Variants in DOCK2 observed in about 807,000 individuals in gnomAD.
The protein encoded by DOCK2 is dedicator of cytokinesis 2.
A neutral mutation model predicts 248.9 loss-of-function variants in DOCK2; 87 were observed. That is an observed-to-expected ratio of 0.35 (90% confidence interval 0.29 to 0.42). The LOEUF is 0.42. Among genes scored for constraint, DOCK2 ranks in the 10% least tolerant of loss-of-function variants. The pLI, the probability that DOCK2 is intolerant of heterozygous loss-of-function variation, is 1.00. For synonymous variants in DOCK2, 805 were observed against 821.6 expected, an observed-to-expected ratio of 0.98 and a Z score of 0.35; for missense variants, 1,747 against 2,300.2, an observed-to-expected ratio of 0.76 and a Z score of 4.92.
chr5:169,835,860 C>G (rs1035281010), intron 26 of DOCK2, among the ~76,000 whole-genome samples: 1 of 151,186 alleles, frequency 6.6e-6, no homozygotes, highest in Non-Finnish European at 1.5e-5. Flanking sequence ...TTTCTGGGCT[C>G]AAGCCTGCCT....
chr5:169,833,559 G>A (rs903777010), intron 26 of DOCK2, among the ~76,000 whole-genome samples: 1 of 152,194 alleles, frequency 6.6e-6, no homozygotes, highest in African/African-American at 2.4e-5. Flanking sequence ...GCTCAAATAA[G>A]GAGGATCAGC....
chr5:170,023,293 A>T (rs1755793642), intron 33 of DOCK2, among the ~76,000 whole-genome samples: 1 of 152,230 alleles, frequency 6.6e-6, no homozygotes, highest in Admixed American at 6.5e-5. Context: ...ATCTTTGCTC[A>T]TTGAATTAAT....
chr5:170,036,000 C>G (rs551039464), intron 35 of DOCK2, among the ~76,000 whole-genome samples: 1 of 152,128 alleles, frequency 6.6e-6, no homozygotes, highest in Non-Finnish European at 1.5e-5. Flanking sequence ...TAGATTCCTA[C>G]GTATTGCCAA....
chr5:169,816,232 G>A (rs1768062919), intron 26 of DOCK2, among the ~76,000 whole-genome samples: 1 of 152,166 alleles, frequency 6.6e-6, no homozygotes, highest in Non-Finnish European at 1.5e-5. Flanking sequence ...CATTTGATCA[G>A]CAGCTGTCTG....
At chr5:169,870,257 A>G (rs1771867976) in intron 27 of DOCK2, among the ~76,000 whole-genome samples, 1 of 152,308 alleles carries the variant, frequency 6.6e-6, no homozygotes. Flanking sequence ...TACCTCACTA[A>G]TCTGGCTTAC....
chr5:169,650,835 T>A (rs1757763786), intron 1 of DOCK2, among the ~76,000 whole-genome samples: 1 of 152,138 alleles, frequency 6.6e-6, no homozygotes. Flanking sequence ...AGAGGTCAAG[T>A]CTTTCCTAGG....
intron 27 of DOCK2, among the ~76,000 whole-genome samples, chr5:169,916,587 T>G (rs1340595603): frequency 6.6e-6 from 1 of 152,202 alleles, no homozygotes; most frequent in African/African-American, 2.4e-5. Flanking sequence ...AGTACCTCCT[T>G]CATAGGATGA....
chr5:170,020,633 G>A (rs542150667), intron 33 of DOCK2, among the ~76,000 whole-genome samples: 10 of 152,326 alleles, frequency 6.6e-5, no homozygotes, highest in South Asian at 2.1e-4. Flanking sequence ...GAAAGCTGAC[G>A]TCATCTGCTG....
chr5:169,974,473 A>G (rs1340343780), intron 27 of DOCK2, among the ~76,000 whole-genome samples: 1 of 152,222 alleles, frequency 6.6e-6, no homozygotes, highest in Non-Finnish European at 1.5e-5. Context: ...AGCCCTTGAA[A>G]TGGTGATTAT....
intron 30 of DOCK2, chr5:170,000,489 T>G (rs958914024): frequency 6.6e-6 from 1 of 152,174 alleles, no homozygotes; most frequent in Non-Finnish European, 1.5e-5. Context: ...TCTGCTCTGT[T>G]TCTTAGGAAC....
chr5:169,883,475 C>T, intron 27 of DOCK2: 3 of 1,551,630 alleles, frequency 1.9e-6, no homozygotes, highest in Non-Finnish European at 2.6e-6. Flanking sequence ...GACACAATGT[C>T]CTGTTCAGAG....
chr5:169,956,057 C>A (rs1210488309), intron 27 of DOCK2, among the ~76,000 whole-genome samples: 1 of 150,858 alleles, frequency 6.6e-6, no homozygotes, highest in Non-Finnish European at 1.5e-5. Flanking sequence ...AAAAAAAGAG[C>A]CCAGGCTTGG....
At chr5:169,884,156 A>G (rs1046089565) in intron 27 of DOCK2, 2 of 332,182 alleles carry the variant, frequency 6.0e-6, no homozygotes, top group Non-Finnish European at 1.1e-5. Context: ...GGAAAAACAA[A>G]TGAGTTAGGC....
At chr5:169,803,229 A>G in intron 26 of DOCK2, 23 bp downstream of exon 26, 2 of 1,609,176 alleles carry the variant, frequency 1.2e-6, no homozygotes, top group Non-Finnish European at 1.7e-6. Context: ...GATGATGTAG[A>G]TATCCTGGAC....
chr5:169,801,079 TCTC>T (rs1221422905), intron 25 of DOCK2, among the ~76,000 whole-genome samples: 1 of 148,532 alleles, frequency 6.7e-6, no homozygotes, highest in Non-Finnish European at 1.5e-5. Context: ...CTTAAGCTAT[TCTC>T]CTGCCTCAGC....
At chr5:169,773,895 G>A (rs372127450) in intron 25 of DOCK2, among the ~76,000 whole-genome samples, 3 of 152,102 alleles carry the variant, frequency 2.0e-5, no homozygotes, top group African/African-American at 7.2e-5. Flanking sequence ...AACCCCGTTC[G>A]CTTGCTTCTC....
intron 44 of DOCK2, among the ~76,000 whole-genome samples, chr5:170,065,953 G>T (rs375510994): frequency 2.5e-4 from 33 of 133,382 alleles, no homozygotes; most frequent in Middle Eastern, 4.0e-3. Flanking sequence ...AATGAAAACT[G>T]TTTTTTTTTT....
Position 169,671,334 on chromosome 5 carries a change from T to A in DOCK2, c.321+160T>A, listed in dbSNP as rs138532959. ...TGAGGACATCAAGGCCCAGAGAGGA[T>A]CAGGGACTTTCTCAAAGCCACAGAG... is the stretch of plus-strand genomic sequence containing the variant. On this transcript the variant is annotated intron_variant, in intron 5 of 51. Coordinates refer to ENST00000520908, the MANE Select transcript of DOCK2 (RefSeq NM_004946.3). Among the ~76,000 whole-genome samples, 426 of 152,262 alleles carry A rather than the reference T, an allele frequency of 2.8e-3. 4 individuals are homozygous for A. The highest frequency in any genetic ancestry group is 9.9e-3 in the African/African-American group (411 of 41,556).
chr5:170,070,518 A>G (rs1757645025), intron 46 of DOCK2, among the ~76,000 whole-genome samples: 1 of 152,198 alleles, frequency 6.6e-6, no homozygotes, highest in Non-Finnish European at 1.5e-5. Flanking sequence ...CCACCTGTGA[A>G]GCCCAAATAT....
Sources: allele counts gnomAD v4.1 joint callset (sites outside exome capture counted in the v4.1 genomes callset), GRCh38; gene constraint gnomAD v4.1.1; transcripts MANE v1.5; gene names NCBI Gene and HGNC (gene_info 2026-07-23, HGNC 2026-07-21).